MMS22L: variants seen among roughly 807,000 people sequenced by gnomAD.
The protein encoded by MMS22L is MMS22 like, DNA repair protein.
In MMS22L, 74 loss-of-function variants were observed where a neutral mutation model predicts 159.1. The observed-to-expected ratio is 0.47, with a 90% CI of 0.39 to 0.56. The LOEUF is 0.56. Among genes scored for constraint, MMS22L ranks in the 20% least tolerant of loss-of-function variants. The pLI, the probability that MMS22L is intolerant of heterozygous loss-of-function variation, is 0.00. For missense variants in MMS22L, 1,351 were observed against 1,422.1 expected (o/e 0.95, Z 0.80); for synonymous variants, 517 against 506.9 (o/e 1.02, Z -0.27).
intron 3 of MMS22L, among the ~76,000 whole-genome samples, chr6:97,280,097 T>C (rs6904989): frequency 3.3e-5 from 5 of 152,184 alleles, no homozygotes; most frequent in African/African-American, 1.2e-4. Flanking sequence ...GCCTGTTCTA[T>C]CAATAAAACG....
At chr6:97,151,911 C>A in intron 22 of MMS22L, 44 bp from the exon 23 acceptor site, 1 of 1,408,620 alleles carries the variant, frequency 7.1e-7, no homozygotes, top group South Asian at 1.2e-5. Flanking sequence ...TCTGAATTGA[C>A]CATCTGGATC....
intron 14 of MMS22L, among the ~76,000 whole-genome samples, chr6:97,214,430 A>C (rs1366374190): frequency 6.6e-6 from 1 of 152,220 alleles, no homozygotes; most frequent in African/African-American, 2.4e-5. Context: ...AGCCCACTAA[A>C]CAGCATTTAA....
chr6:97,247,575 C>T (rs1427134515), intron 10 of MMS22L, among the ~76,000 whole-genome samples: 5 of 151,954 alleles, frequency 3.3e-5, no homozygotes, highest in Admixed American at 6.6e-5. Context: ...AAAAATTAGC[C>T]GGGCATGGTG....
intron 9 of MMS22L, chr6:97,258,587 T>G (rs1325661729): frequency 6.6e-6 from 1 of 152,172 alleles, no homozygotes; most frequent in African/African-American, 2.4e-5. Flanking sequence ...TAATCCAACA[T>G]AATGTGCTTC....
chr6:97,278,204 A>G (rs1816427322), intron 4 of MMS22L, among the ~76,000 whole-genome samples: 1 of 152,196 alleles, frequency 6.6e-6, no homozygotes, highest in African/African-American at 2.4e-5. Flanking sequence ...GGAGTTTGCG[A>G]TCAGCCTGGC....
intron 14 of MMS22L, among the ~76,000 whole-genome samples, chr6:97,218,691 A>T (rs1468318133): frequency 1.3e-5 from 2 of 152,222 alleles, no homozygotes; most frequent in Non-Finnish European, 2.9e-5. Context: ...CAGGAAATTC[A>T]ACAGGAATAG....
chr6:97,229,454 C>T, intron 13 of MMS22L, 51 bp from the exon 14 acceptor site: 2 of 1,319,226 alleles, frequency 1.5e-6, no homozygotes, highest in South Asian at 1.6e-5. Context: ...TCACAAAAAT[C>T]TGTATCTCTT....
At chr6:97,166,396 A>G (rs994720241) in intron 20 of MMS22L, among the ~76,000 whole-genome samples, 2 of 152,140 alleles carry the variant, frequency 1.3e-5, no homozygotes, top group Non-Finnish European at 2.9e-5. Context: ...TGAAGTCTCC[A>G]TTTTAGTTGT....
At position 97,202,933 on chromosome 6, in the gene MMS22L, T is replaced by C. The variant is rs530289576; in HGVS notation, c.2040-16243A>G. Among the ~76,000 whole-genome samples the C allele has an allele frequency of 1.6e-3, 241 of 152,316 alleles. 1 individual carries two copies. The highest frequency in any genetic ancestry group is 5.7e-3 in the African/African-American group (236 of 41,564). On this transcript the variant is annotated intron_variant, in intron 14 of 24. Coordinates refer to ENST00000683635, the MANE Select transcript of MMS22L (RefSeq NM_001350599.2). Reference sequence around the variant, plus strand: ...GACTACTGGTCATTAATGTTGGCAGTTGAGTTCTTTTCCTTAAGGTTTCCA... The same window carrying C: ...GACTACTGGTCATTAATGTTGGCAGCTGAGTTCTTTTCCTTAAGGTTTCCA...
intron 13 of MMS22L, 135 bp from the exon 14 acceptor site, chr6:97,229,538 T>C (rs1373621164): frequency 1.5e-6 from 1 of 664,834 alleles, no homozygotes; most frequent in Admixed American, 3.3e-5. Context: ...GATGCTGCCT[T>C]GTCACTTTTT....
At chr6:97,166,115 G>C (rs1038367451) in intron 20 of MMS22L, among the ~76,000 whole-genome samples, 1 of 152,050 alleles carries the variant, frequency 6.6e-6, no homozygotes, top group Admixed American at 6.6e-5. Flanking sequence ...CAGTCACACA[G>C]AACTCTTGAT....
At chr6:97,225,576 T>A (rs1810145815) in intron 14 of MMS22L, among the ~76,000 whole-genome samples, 1 of 151,520 alleles carries the variant, frequency 6.6e-6, no homozygotes, top group Admixed American at 6.6e-5. Context: ...CTCGAAGTTT[T>A]TTTTTTTTTC....
At chr6:97,152,820 T>TTA (rs1554254592) in intron 22 of MMS22L, among the ~76,000 whole-genome samples, 18 of 149,864 alleles carry the variant, frequency 1.2e-4, no homozygotes, top group East Asian at 5.8e-4. Context: ...TTTTTTTTTT[T>TTA]AAAAAAAATG....
intron 11 of MMS22L, among the ~76,000 whole-genome samples, chr6:97,240,257 G>T (rs919380381): frequency 1.1e-4 from 16 of 152,160 alleles, no homozygotes; most frequent in African/African-American, 3.9e-4. Context: ...AAAACTGAAG[G>T]AATAGCAGAG....
chr6:97,157,530 T>C (rs1239786760), intron 22 of MMS22L, among the ~76,000 whole-genome samples: 6 of 152,090 alleles, frequency 3.9e-5, no homozygotes, highest in Admixed American at 1.3e-4. Flanking sequence ...TAGCATGAAG[T>C]ACTGTTGAAT....
At chr6:97,193,201 C>T (rs1485797531) in intron 14 of MMS22L, among the ~76,000 whole-genome samples, 4 of 152,108 alleles carry the variant, frequency 2.6e-5, no homozygotes, top group East Asian at 3.8e-4. Flanking sequence ...CAAAGGTCAA[C>T]GATGTGTGAT....
chr6:97,252,267 A>G (rs1813319782), intron 10 of MMS22L, among the ~76,000 whole-genome samples: 1 of 152,152 alleles, frequency 6.6e-6, no homozygotes, highest in Non-Finnish European at 1.5e-5. Flanking sequence ...TACGCACTCA[A>G]AAAAGTGTTA....
intron 4 of MMS22L, among the ~76,000 whole-genome samples, chr6:97,273,611 A>G (rs923971566): frequency 6.6e-6 from 1 of 152,202 alleles, no homozygotes; most frequent in Non-Finnish European, 1.5e-5. Flanking sequence ...AGACAGTGCA[A>G]ATAATACCTC....
chr6:97,212,129 C>A (rs1808449207), intron 14 of MMS22L, among the ~76,000 whole-genome samples: 1 of 152,092 alleles, frequency 6.6e-6, no homozygotes, highest in African/African-American at 2.4e-5. Context: ...ATATGTCTAC[C>A]TCACTACACT....
Sources: gnomAD v4.1 joint callset for allele counts (sites outside exome capture counted in the v4.1 genomes callset) on GRCh38, gnomAD v4.1.1 for gene constraint, MANE v1.5 for transcripts, NCBI Gene and HGNC (gene_info 2026-07-23, HGNC 2026-07-21) for gene names.